The following FGF12 variants were observed in gnomAD, a reference collection of about 807,000 sequenced individuals.
FGF12 encodes fibroblast growth factor 12.
A neutral mutation model predicts 23.6 loss-of-function variants in FGF12; 14 were observed. That is an observed-to-expected ratio of 0.59 (90% CI 0.39 to 0.93). The LOEUF is 0.93. FGF12 is among the 40% of genes least tolerant of loss of function. The probability of loss-of-function intolerance (pLI) is 0.00; values close to 1 mark genes in which losing one functional copy is unlikely to be tolerated. For synonymous variants in FGF12, 62 were observed against 77.3 expected, an observed-to-expected ratio of 0.80 and a Z score of 1.04; for missense variants, 175 against 217.8, an observed-to-expected ratio of 0.80 and a Z score of 1.24.
At chr3:192,278,005 C>T (rs1713909398) in intron 4 of FGF12, among the ~76,000 whole-genome samples, 1 of 152,206 alleles carries the variant, frequency 6.6e-6, no homozygotes, top group South Asian at 2.1e-4. Context: ...TCGTGATCCA[C>T]CTGCCTCAGC....
At chr3:192,317,920 A>G (rs1365113672) in intron 4 of FGF12, among the ~76,000 whole-genome samples, 1 of 152,196 alleles carries the variant, frequency 6.6e-6, no homozygotes, top group Admixed American at 6.5e-5. Context: ...GGGAAAAGTA[A>G]GAGAAAGGAA....
intron 2 of FGF12, among the ~76,000 whole-genome samples, chr3:192,453,529 G>A (rs1722588911): frequency 6.6e-6 from 1 of 152,000 alleles, no homozygotes; most frequent in South Asian, 2.1e-4. Flanking sequence ...TACATTCTGA[G>A]GATCTATTTG....
At chr3:192,285,328 C>T (rs1714389463) in intron 4 of FGF12, among the ~76,000 whole-genome samples, 1 of 152,014 alleles carries the variant, frequency 6.6e-6, no homozygotes, top group African/African-American at 2.4e-5. Flanking sequence ...TACTAAAATT[C>T]AAGCCTCCTG....
chr3:192,724,979 A>T (rs1291224959), intron 2 of FGF12, among the ~76,000 whole-genome samples: 1 of 152,162 alleles, frequency 6.6e-6, no homozygotes, highest in African/African-American at 2.4e-5. Flanking sequence ...ATATACATAC[A>T]TTTGAGAATG....
chr3:192,191,272 C>G (rs1716775743), intron 4 of FGF12, among the ~76,000 whole-genome samples: 1 of 152,128 alleles, frequency 6.6e-6, no homozygotes, highest in African/African-American at 2.4e-5. Context: ...GGCAGTGAAG[C>G]TACTCTGTGT....
chr3:192,433,020 C>T (rs189582701), intron 2 of FGF12, among the ~76,000 whole-genome samples: 4 of 152,136 alleles, frequency 2.6e-5, no homozygotes, highest in Admixed American at 6.6e-5. Context: ...CCCTTCAGAT[C>T]GTCAAACGTG....
intron 2 of FGF12, among the ~76,000 whole-genome samples, chr3:192,710,154 G>A (rs939349344): frequency 6.6e-6 from 1 of 152,184 alleles, no homozygotes; most frequent in Non-Finnish European, 1.5e-5. Context: ...TGGATAAACT[G>A]AGGGAGCTGG....
chr3:192,421,883 A>G (rs1217730800), intron 2 of FGF12, among the ~76,000 whole-genome samples: 1 of 152,036 alleles, frequency 6.6e-6, no homozygotes, highest in Non-Finnish European at 1.5e-5. Context: ...AGTTCTCCCA[A>G]TTTTAGTTCA....
At chr3:192,699,259 T>C (rs759126730) in intron 2 of FGF12, among the ~76,000 whole-genome samples, 37 of 152,212 alleles carry the variant, frequency 2.4e-4, no homozygotes, top group Admixed American at 7.2e-4. Context: ...TGCAACTCTT[T>C]CATTTTGTTA....
chr3:192,351,531 C>A (rs961333270), intron 3 of FGF12, among the ~76,000 whole-genome samples: 3 of 152,080 alleles, frequency 2.0e-5, no homozygotes, highest in African/African-American at 7.2e-5. Flanking sequence ...GTCTTCAGGC[C>A]CTAGGCAGGT....
chr3:192,526,675 G>A (rs936141438), intron 2 of FGF12, among the ~76,000 whole-genome samples: 1 of 152,074 alleles, frequency 6.6e-6, no homozygotes, highest in African/African-American at 2.4e-5. Flanking sequence ...ATATACAGAT[G>A]CTACTCAAAA....
intron 2 of FGF12, among the ~76,000 whole-genome samples, chr3:192,588,229 A>T (rs953437434): frequency 6.6e-6 from 1 of 150,952 alleles, no homozygotes; most frequent in Non-Finnish European, 1.5e-5. Flanking sequence ...GGGCTCCTGT[A>T]GTCCCAGCTA....
At chr3:192,417,641 G>A (rs1403595022) in intron 2 of FGF12, among the ~76,000 whole-genome samples, 1 of 152,126 alleles carries the variant, frequency 6.6e-6, no homozygotes, top group Non-Finnish European at 1.5e-5. Flanking sequence ...CAGTTAAGTA[G>A]TGGCTATTAA....
At chr3:192,506,877 A>G (rs925617088) in intron 2 of FGF12, among the ~76,000 whole-genome samples, 1 of 144,884 alleles carries the variant, frequency 6.9e-6, no homozygotes, top group East Asian at 2.1e-4. Context: ...CCATCTAGTC[A>G]TGGCCATTAA....
At chr3:192,724,722 T>C (rs1189917606) in intron 2 of FGF12, among the ~76,000 whole-genome samples, 2 of 152,150 alleles carry the variant, frequency 1.3e-5, no homozygotes, top group Non-Finnish European at 2.9e-5. Flanking sequence ...AAGTTGTAAA[T>C]AAGGAAGCAA....
intron 2 of FGF12, among the ~76,000 whole-genome samples, chr3:192,397,914 T>G (rs191982718): frequency 6.5e-4 from 99 of 151,676 alleles, no homozygotes; most frequent in African/African-American, 2.3e-3. Flanking sequence ...AGTTCCCAAA[T>G]TAATATACAA....
At chr3:192,469,851 C>A (rs1723119525) in intron 2 of FGF12, among the ~76,000 whole-genome samples, 1 of 152,134 alleles carries the variant, frequency 6.6e-6, no homozygotes, top group Non-Finnish European at 1.5e-5. Context: ...AATGAAGAGT[C>A]AGGAGATCAA....
chr3:192,219,583 C>T (rs1219461539), intron 4 of FGF12, among the ~76,000 whole-genome samples: 4 of 150,330 alleles, frequency 2.7e-5, no homozygotes, highest in Admixed American at 6.6e-5. Context: ...GTGAGCTGGG[C>T]TACAGTAGCA....
intron 4 of FGF12, among the ~76,000 whole-genome samples, chr3:192,181,457 A>G (rs772547145): frequency 3.3e-5 from 5 of 151,936 alleles, no homozygotes; most frequent in Admixed American, 6.6e-5. Flanking sequence ...AACAAAACAC[A>G]CACCTGTATC....
Sources: gnomAD v4.1 joint callset for allele counts (sites outside exome capture counted in the v4.1 genomes callset) on GRCh38, gnomAD v4.1.1 for gene constraint, MANE v1.5 for transcripts, NCBI Gene and HGNC (gene_info 2026-07-23, HGNC 2026-07-21) for gene names.